The following FBXO30 variants were observed in gnomAD, a reference collection of about 807,000 sequenced individuals.
FBXO30 encodes the protein F-box protein 30.
FBXO30 carries 21 observed loss-of-function variants against 58.1 expected under a neutral mutation model. That is an observed-to-expected ratio of 0.36 (90% CI 0.26 to 0.52). The LOEUF (loss-of-function observed/expected upper bound fraction) is 0.52, where lower values mean the gene tolerates loss of function less well. Among genes scored for constraint, FBXO30 ranks in the 20% least tolerant of loss-of-function variants. The probability of loss-of-function intolerance (pLI) is 0.93; values close to 1 mark genes in which losing one functional copy is unlikely to be tolerated. For missense variants in FBXO30, 744 were observed against 897.3 expected, an observed-to-expected ratio of 0.83 and a Z score of 2.18; for synonymous variants, 309 against 312.4, an observed-to-expected ratio of 0.99 and a Z score of 0.11.
At chr6:145,811,342 C>T (rs1394483987) in intron 1 of FBXO30, among the ~76,000 whole-genome samples, 1 of 152,082 alleles carries the variant, frequency 6.6e-6, no homozygotes. Context: ...CATAAAAAGT[C>T]AATGGTGCTC....
In FBXO30 at chr6:145,805,633, T is replaced by A. The variant is rs1442799628; in HGVS notation, c.773A>T (p.Asn258Ile). ...TGAACCATTTTGTTCAGACTGGGCATTCTGATTTGTGTCATTGTAGTCAAT... is the reference window on the plus strand; with the variant it reads ...TGAACCATTTTGTTCAGACTGGGCAATCTGATTTGTGTCATTGTAGTCAAT... Reference protein sequence around the residue: ...GGIDYNDTNQNAQSEQNGSSD... With the variant: ...GGIDYNDTNQIAQSEQNGSSD... Residue 258 changes from asparagine to isoleucine, a missense_variant, in exon 2 of 3, where the codon AAT becomes ATT. Physicochemically the swap from Asn to Ile is moderately radical, Grantham distance 149. Around this residue, in one of 3 missense-constraint regions of FBXO30, gnomAD observed 275 missense variants for 262.0 expected, o/e 1.05. Transcript: ENST00000237281. The A allele has an allele frequency of 2.5e-6, 4 of 1,614,136 alleles. No individual in the cohort carries two copies. In the Admixed American group the frequency reaches 5.0e-5, roughly 20 times the overall value.
chr6:145,800,776 T>TA (rs1268196885), intron 2 of FBXO30, among the ~76,000 whole-genome samples: 1 of 152,116 alleles, frequency 6.6e-6, no homozygotes, highest in Admixed American at 6.6e-5. Context: ...ATATCAGTAC[T>TA]AAAAAATACC....
At position 145,797,959 on chromosome 6, in the gene FBXO30, C is replaced by G. The variant is rs1309595729; in HGVS notation, c.*2147G>C. ...GAAACTCTTCCGCCTTTCAGTGCAC[C>G]TAGGTGGTATTACTTTCGAGACACT... On this transcript the variant is annotated 3_prime_UTR_variant, in exon 3 of 3. Coordinates refer to ENST00000237281, the MANE Select transcript of FBXO30 (RefSeq NM_032145.5). 1 of 151,936 alleles carries G rather than the reference C, an allele frequency of 6.6e-6. No individual in the cohort carries two copies. The highest frequency in any genetic ancestry group is 2.4e-5 in the African/African-American group (1 of 41,364). The allele number at this position is 151,936 out of a possible 1,614,324, so 9.4% of individuals were successfully genotyped here.
rs1489616802 is a variant in FBXO30 at position 145,793,747 on chromosome 6, T to C, written c.*6359A>G. The C allele has an allele frequency of 6.6e-6, 1 of 152,064 alleles. No individual in the cohort carries two copies. The highest frequency in any genetic ancestry group is 2.4e-5 in the African/African-American group (1 of 41,448). 9.4% of individuals were successfully genotyped at this position (152,064 alleles called of 1,614,324 possible). ...GTCAATCACTCAGTCACAGAAGTTT[T>C]AAATATAAGGAAATTTTGATGAATT... is the stretch of plus-strand genomic sequence containing the variant. On this transcript the variant is annotated 3_prime_UTR_variant, in exon 3 of 3. Coordinates refer to ENST00000237281, the MANE Select transcript of FBXO30 (RefSeq NM_032145.5).
At chr6:145,814,295 G>A (rs1032286275) in intron 1 of FBXO30, among the ~76,000 whole-genome samples, 1 of 152,214 alleles carries the variant, frequency 6.6e-6, no homozygotes, top group Non-Finnish European at 1.5e-5. Context: ...AACTGGGGGG[G>A]ACACGGAGGT....
At chr6:145,800,367 A>C in intron 2 of FBXO30, 58 bp from the exon 3 acceptor site, 1 of 1,429,262 alleles carries the variant, frequency 7.0e-7, no homozygotes, top group East Asian at 2.3e-5. Flanking sequence ...ATCAAAACAC[A>C]CTTTTTGCTC....
chr6:145,810,579 A>G (rs529505229), intron 1 of FBXO30, among the ~76,000 whole-genome samples: 41 of 152,246 alleles, frequency 2.7e-4, no homozygotes, highest in African/African-American at 6.3e-4. Flanking sequence ...AATTCTTTCA[A>G]TTTTCTCTGA....
intron 2 of FBXO30, among the ~76,000 whole-genome samples, chr6:145,803,401 TG>T (rs1562243635): frequency 6.6e-6 from 1 of 152,026 alleles, no homozygotes; most frequent in Non-Finnish European, 1.5e-5. Context: ...GGAAACCAAG[TG>T]GATGTAGTAT....
At chr6:145,802,260 C>T (rs1050306571) in intron 2 of FBXO30, among the ~76,000 whole-genome samples, 16 of 152,020 alleles carry the variant, frequency 1.1e-4, no homozygotes, top group Admixed American at 3.9e-4. Flanking sequence ...GAAGAGTAAG[C>T]GGGACATAGC....
At chr6:145,800,514 T>C (rs753245980) in intron 2 of FBXO30, among the ~76,000 whole-genome samples, 20 of 152,146 alleles carry the variant, frequency 1.3e-4, no homozygotes, top group Non-Finnish European at 2.8e-4. Flanking sequence ...TATGACATTA[T>C]GACTTCAATA....
In FBXO30 at chr6:145,799,567, A is replaced by C. The variant is rs1238013025; in HGVS notation, c.*539T>G. 1 of 152,530 alleles carries C rather than the reference A, an allele frequency of 6.6e-6. No homozygotes were observed. The highest frequency in any genetic ancestry group is 1.5e-5 in the Non-Finnish European group (1 of 67,978). The allele number at this position is 152,530 out of a possible 1,614,324, so 9.4% of individuals were successfully genotyped here. A position where few individuals can be genotyped will look rare whatever the true frequency, so the allele number is the denominator to read the frequency against. ...ACGATAAACTGCATTACCAAACTTT[A>C]TGATTTTACGTATGTAAGTATATAT... On this transcript the variant is annotated 3_prime_UTR_variant, in exon 3 of 3. Transcript: ENST00000237281.
rs147635487 is a variant in FBXO30 at position 145,802,599 on chromosome 6, C to A, written c.2034+1773G>T. On this transcript the variant is annotated intron_variant, in intron 2 of 2. Coordinates refer to ENST00000237281, the MANE Select transcript of FBXO30 (RefSeq NM_032145.5). The stretch of plus-strand genomic sequence containing the variant: ...TCAAATGTTTTATTAAGGAGCTGGG[C>A]TCTATCCAGGGGTGATGAACAAATA... Among the ~76,000 whole-genome samples the A allele has an allele frequency of 2.5e-3, 378 of 152,228 alleles. 4 individuals are homozygous for A. The highest frequency in any genetic ancestry group is 8.5e-3 in the African/African-American group (355 of 41,536).
rs1778449369 is a variant in FBXO30 at position 145,814,628 on chromosome 6, C to CGA, written c.-43_-42insTC. ...CGGCCGGCGCGGCCGAACCGCGGCC[C>CGA]AGGCCCTAGCTGCCCTGGACGCCGT... On this transcript the variant is annotated 5_prime_UTR_variant, in exon 1 of 3. Transcript: ENST00000237281. 6.6e-6 allele frequency: 1 copy of CGA among 152,104 alleles called. No individual in the cohort carries two copies. The highest frequency in any genetic ancestry group is 1.5e-5 in the Non-Finnish European group (1 of 68,124). 9.4% of individuals were successfully genotyped at this position (152,104 alleles called of 1,614,324 possible).
intron 1 of FBXO30, among the ~76,000 whole-genome samples, chr6:145,809,038 C>T (rs1481868973): frequency 1.3e-5 from 2 of 152,030 alleles, no homozygotes; most frequent in Non-Finnish European, 2.9e-5. Context: ...AAAGAAAAGA[C>T]AAGGTATATA....
chr6:145,809,984 T>A (rs1300573915), intron 1 of FBXO30: 1 of 152,220 alleles, frequency 6.6e-6, no homozygotes, highest in Non-Finnish European at 1.5e-5. Context: ...GAATGGAGAT[T>A]ACACAACTTT....
At chr6:145,804,008 C>G (rs1026107347) in intron 2 of FBXO30, among the ~76,000 whole-genome samples, 3 of 151,974 alleles carry the variant, frequency 2.0e-5, no homozygotes, top group African/African-American at 7.3e-5. Context: ...GGAAAAAAAC[C>G]CTCTTCTTGC....
chr6:145,814,154 T>C (rs1778426592), intron 1 of FBXO30, among the ~76,000 whole-genome samples: 1 of 152,180 alleles, frequency 6.6e-6, no homozygotes, highest in Non-Finnish European at 1.5e-5. Flanking sequence ...CAGTGGATGA[T>C]GCCTCCCCAG....
At chr6:145,809,175 T>G (rs1368878590) in intron 1 of FBXO30, among the ~76,000 whole-genome samples, 1 of 152,208 alleles carries the variant, frequency 6.6e-6, no homozygotes, top group Non-Finnish European at 1.5e-5. Context: ...CATACTAAAA[T>G]AGTCATATAG....
intron 1 of FBXO30, among the ~76,000 whole-genome samples, chr6:145,811,278 C>T (rs946237973): frequency 2.0e-5 from 3 of 152,066 alleles, no homozygotes; most frequent in Non-Finnish European, 4.4e-5. Context: ...CATAAAAATA[C>T]CTTACAGATC....
Sources: allele counts gnomAD v4.1 joint callset (sites outside exome capture counted in the v4.1 genomes callset), GRCh38; gene constraint gnomAD v4.1.1; regional missense constraint gnomAD v4.1.1; transcripts MANE v1.5; gene names NCBI Gene and HGNC (gene_info 2026-07-23, HGNC 2026-07-21).